The following PALM2AKAP2 variants were observed in gnomAD, a reference collection of about 807,000 sequenced individuals.
The protein encoded by PALM2AKAP2 is PALM2 and AKAP2 fusion, also known as PALM2-AKAP2 fusion protein.
A neutral mutation model predicts 71.5 loss-of-function variants in PALM2AKAP2; 37 were observed. The ratio of observed to expected loss-of-function variants is 0.52; its 90% confidence interval spans 0.40 to 0.68. The LOEUF is 0.68. Ranked by LOEUF, PALM2AKAP2 falls within the 30% of genes least tolerant of loss-of-function variation. PALM2AKAP2 has a pLI of 0.00. For synonymous variants in PALM2AKAP2, 468 were observed against 478.8 expected, an observed-to-expected ratio of 0.98 and a Z score of 0.29; for missense variants, 1,224 against 1,191.8, an observed-to-expected ratio of 1.03 and a Z score of -0.40.
At chr9:110,021,227 G>A (rs746147028) in intron 7 of PALM2AKAP2, among the ~76,000 whole-genome samples, 3 of 152,332 alleles carry the variant, frequency 2.0e-5, no homozygotes, top group Non-Finnish European at 2.9e-5. Flanking sequence ...AGAAGGCCAT[G>A]TAAGGGGACT....
At chr9:109,838,435 C>CAATTAAATTAAATTAAATTAAATTAAATT (rs1828547800) in intron 1 of PALM2AKAP2, among the ~76,000 whole-genome samples, 3 of 152,132 alleles carry the variant, frequency 2.0e-5, no homozygotes, top group Non-Finnish European at 2.9e-5. Flanking sequence ...GGAAAGATCT[C>CAATTAAATTAAATTAAATTAAATTAAATT]AAATTGACAC....
rs544242110 is a variant in PALM2AKAP2 at position 109,642,492 on chromosome 9, C to T, written c.5+1626C>T. 1.5e-3 allele frequency among the ~76,000 whole-genome samples: 228 copies of T among 147,384 alleles called. 1 individual carries two copies. Among genetic ancestry groups the T allele is most frequent in the African/African-American group, 5.2e-3 (210 of 40,170 alleles). ...TGCCATTACTTTCAACGGCAAAAAC[C>T]GCAAATTACTGTTGCACCAACCTAA... On this transcript the variant is annotated intron_variant, in intron 1 of 6. Coordinates refer to the PALM2AKAP2 transcript ENST00000374531.
At chr9:109,969,941 G>A (rs978089090) in intron 6 of PALM2AKAP2, among the ~76,000 whole-genome samples, 2 of 152,218 alleles carry the variant, frequency 1.3e-5, no homozygotes, top group Non-Finnish European at 2.9e-5. Context: ...ACCAAAAGTA[G>A]CCTCTGCCCA....
rs71373964 is a variant in PALM2AKAP2, at chr9:110,088,703, G to GTTTTTTTTTTTTTTT, written c.156+39866_156+39880dup. ...TAGCTATTAAAGTTTGCATTTACGT[G>GTTTTTTTTTTTTTTT]TTTTTTTTTTTTTTTTTTTTTTTTT... On this transcript the variant is annotated intron_variant, in intron 1 of 3. Coordinates refer to ENST00000374525, the Ensembl canonical transcript of PALM2AKAP2. Among the ~76,000 whole-genome samples, 2 of 75,574 alleles carry GTTTTTTTTTTTTTTT rather than the reference G, an allele frequency of 2.6e-5. 1 individual carries two copies. The allele number at this position is 75,574 out of a possible 152,430, so 49.6% of individuals were successfully genotyped here. A position where few individuals can be genotyped will look rare whatever the true frequency, so the allele number is the denominator to read the frequency against.
At chr9:109,796,971 A>C (rs1009991348) in intron 1 of PALM2AKAP2, among the ~76,000 whole-genome samples, 1 of 152,186 alleles carries the variant, frequency 6.6e-6, no homozygotes, top group African/African-American at 2.4e-5. Context: ...AATGTTAGCT[A>C]GGGGGTGGTA....
At chr9:109,780,533 A>T (rs1587906123) in exon 1 of PALM2AKAP2, 1 of 1,613,650 alleles carries the variant, frequency 6.2e-7, no homozygotes, top group Non-Finnish European at 8.5e-7. Context: ...AAGCCATAGC[A>T]GTAAGTCCAC....
chr9:109,935,193 G>A (rs1279179179), intron 6 of PALM2AKAP2, among the ~76,000 whole-genome samples: 1 of 152,168 alleles, frequency 6.6e-6, no homozygotes, highest in Non-Finnish European at 1.5e-5. Flanking sequence ...TCTATTGTTA[G>A]GGTCTTTGTA....
At chr9:109,849,468 C>T (rs1191152313) in intron 1 of PALM2AKAP2, among the ~76,000 whole-genome samples, 1 of 152,156 alleles carries the variant, frequency 6.6e-6, no homozygotes, top group African/African-American at 2.4e-5. Flanking sequence ...AAAACCAGGG[C>T]TGGGCGCGGT....
At chr9:110,111,209 A>C (rs2118940476) in intron 1 of PALM2AKAP2, among the ~76,000 whole-genome samples, 1 of 145,720 alleles carries the variant, frequency 6.9e-6, no homozygotes, top group East Asian at 2.0e-4. Flanking sequence ...CTCTGACCTC[A>C]GCCTCGTGAA....
intron 3 of PALM2AKAP2, among the ~76,000 whole-genome samples, chr9:110,160,156 C>T (rs1472751108): frequency 6.6e-6 from 1 of 152,198 alleles, no homozygotes; most frequent in Non-Finnish European, 1.5e-5. Flanking sequence ...CCTTGTTCCT[C>T]TATGAAGATA....
At chr9:109,844,324 A>G (rs1035680418) in intron 1 of PALM2AKAP2, among the ~76,000 whole-genome samples, 5 of 152,214 alleles carry the variant, frequency 3.3e-5, no homozygotes, top group Admixed American at 6.5e-5. Flanking sequence ...ACAGCTATGT[A>G]AGGAACTGAG....
At chr9:109,705,340 A>G (rs1828125975) in intron 1 of PALM2AKAP2, among the ~76,000 whole-genome samples, 1 of 152,146 alleles carries the variant, frequency 6.6e-6, no homozygotes, top group Admixed American at 6.5e-5. Flanking sequence ...TGTTGTCATT[A>G]TCCCACCTTC....
intron 1 of PALM2AKAP2, among the ~76,000 whole-genome samples, chr9:109,810,980 A>G (rs1164201508): frequency 2.6e-5 from 4 of 152,150 alleles, no homozygotes; most frequent in Non-Finnish European, 5.9e-5. Flanking sequence ...CAAGGTCATC[A>G]GCTGGCAGGG....
chr9:109,698,079 C>T (rs1455653837), intron 1 of PALM2AKAP2, among the ~76,000 whole-genome samples: 2 of 152,238 alleles, frequency 1.3e-5, no homozygotes, highest in African/African-American at 2.4e-5. Context: ...AAAGTGATGT[C>T]AATGCACAGT....
intron 1 of PALM2AKAP2, among the ~76,000 whole-genome samples, chr9:109,782,611 C>A (rs559818879): frequency 6.6e-6 from 1 of 151,906 alleles, no homozygotes; most frequent in Non-Finnish European, 1.5e-5. Flanking sequence ...ATGCAAATAC[C>A]ATGCTATTTT....
intron 1 of PALM2AKAP2, among the ~76,000 whole-genome samples, chr9:110,124,525 C>T (rs72754994): frequency 0.15 from 22,613 of 152,124 alleles, 2,146 homozygotes; most frequent in Non-Finnish European, 0.2. Flanking sequence ...TTCCAGGGAA[C>T]GAGGTGGACG....
At chr9:109,994,307 G>A (rs1273835774) in intron 6 of PALM2AKAP2, among the ~76,000 whole-genome samples, 1 of 152,154 alleles carries the variant, frequency 6.6e-6, no homozygotes. Flanking sequence ...GCTAAGTTAT[G>A]GATACATCCC....
chr9:109,811,403 T>G (rs1320003585), intron 1 of PALM2AKAP2, among the ~76,000 whole-genome samples: 3 of 151,892 alleles, frequency 2.0e-5, no homozygotes, highest in African/African-American at 7.3e-5. Context: ...GTAGAAAGAG[T>G]GCTATGCTTT....
intron 1 of PALM2AKAP2, chr9:109,867,164 CTG>C (rs56194780): frequency 0.16 from 63,703 of 395,446 alleles, 3,075 homozygotes; most frequent in South Asian, 0.22. Context: ...ACATGGTTCT[CTG>C]TGTGTGTGTG....
Sources: allele counts gnomAD v4.1 joint callset (sites outside exome capture counted in the v4.1 genomes callset), GRCh38; gene constraint gnomAD v4.1.1; transcripts MANE v1.5; gene names NCBI Gene and HGNC (gene_info 2026-07-23, HGNC 2026-07-21).